XPO6: variants seen among roughly 807,000 people sequenced by gnomAD.
XPO6 encodes exportin-6.
A neutral mutation model predicts 130.0 loss-of-function variants in XPO6; 3 were observed. That is an observed-to-expected ratio of 0.02 (90% confidence interval 0.01 to 0.06). The LOEUF (loss-of-function observed/expected upper bound fraction) is 0.06, where lower values mean the gene tolerates loss of function less well. XPO6 is among the 10% of genes least tolerant of loss of function. XPO6 has a pLI of 1.00. For missense variants in XPO6, 970 were observed against 1,393.0 expected (o/e 0.70, Z 4.83); for synonymous variants, 524 against 548.9 (o/e 0.95, Z 0.63).
chr16:28,149,551 A>G (rs1479712258), intron 8 of XPO6, among the ~76,000 whole-genome samples: 2 of 152,218 alleles, frequency 1.3e-5, no homozygotes, highest in East Asian at 1.9e-4. Context: ...ATGTTTAGAT[A>G]CAAATCCCTA....
chr16:28,207,757 A>G (rs1375467594), intron 1 of XPO6, among the ~76,000 whole-genome samples: 1 of 152,222 alleles, frequency 6.6e-6, no homozygotes, highest in Non-Finnish European at 1.5e-5. Flanking sequence ...TCAACTAGGA[A>G]TCACAGAGCA....
intron 1 of XPO6, among the ~76,000 whole-genome samples, chr16:28,197,146 G>A (rs1204599042): frequency 2.6e-5 from 4 of 152,064 alleles, no homozygotes; most frequent in African/African-American, 9.7e-5. Context: ...CAGCTACTCG[G>A]GAGGCTGAGG....
At chr16:28,112,123 T>C in intron 16 of XPO6, 117 bp from the exon 17 acceptor site, 2 of 1,245,652 alleles carry the variant, frequency 1.6e-6, no homozygotes, top group Admixed American at 5.3e-5. Context: ...GCCCCCAGGC[T>C]CGTTTCTTGC....
At chr16:28,200,195 G>A (rs2043933686) in intron 1 of XPO6, among the ~76,000 whole-genome samples, 1 of 151,620 alleles carries the variant, frequency 6.6e-6, no homozygotes, top group Non-Finnish European at 1.5e-5. Flanking sequence ...GAACTTCTCA[G>A]GTCTGATTAT....
intron 6 of XPO6, among the ~76,000 whole-genome samples, chr16:28,159,280 A>T (rs1389010212): frequency 6.6e-6 from 1 of 152,068 alleles, no homozygotes; most frequent in Non-Finnish European, 1.5e-5. Context: ...AAGAAGAAAA[A>T]TTTCCTGAAA....
At chr16:28,136,071 T>C (rs918719640) in intron 9 of XPO6, among the ~76,000 whole-genome samples, 10 of 152,218 alleles carry the variant, frequency 6.6e-5, no homozygotes, top group Admixed American at 6.5e-4. Flanking sequence ...AAGTAAATGG[T>C]ATCAATATTT....
chr16:28,190,660 G>A (rs1036087287), intron 1 of XPO6, among the ~76,000 whole-genome samples: 6 of 152,162 alleles, frequency 3.9e-5, no homozygotes, highest in Admixed American at 3.3e-4. Context: ...TGACAAAACT[G>A]GAATACAGGT....
rs1484642137 is a variant in XPO6 at position 28,106,444 on chromosome 16, C to T, written c.2551G>A (p.Val851Ile). 4.3e-6 allele frequency: 7 copies of T among 1,614,256 alleles called. No homozygotes were observed. Among genetic ancestry groups the T allele is most frequent in the Non-Finnish European group, 5.9e-6 (7 of 1,180,044 alleles). ...FFLTLFRGLR[V>I]QMGVPFTEQI... ...TCAGTGAAAGGCACACCCATCTGTACTCTAAGGCCTCGAAACAGAGTGAGG... is the reference window on the plus strand; with the variant it reads ...TCAGTGAAAGGCACACCCATCTGTATTCTAAGGCCTCGAAACAGAGTGAGG... The change falls in exon 19 of 24, where the codon GTA becomes ATA. Residue 851 changes from valine to isoleucine, a missense_variant. By Grantham distance (29) the Val-to-Ile change is conservative (BLOSUM62 3). Coordinates refer to ENST00000304658, the MANE Select transcript of XPO6 (RefSeq NM_015171.4). This position sits in a 1 kb window ranked among gnomAD's most constrained non-coding sequence, Gnocchi z 4.2.
At chr16:28,163,397 A>G (rs529774752) in intron 6 of XPO6, among the ~76,000 whole-genome samples, 2 of 152,378 alleles carry the variant, frequency 1.3e-5, no homozygotes, top group South Asian at 4.1e-4. Context: ...ATTTGAAACT[A>G]TATATCATGT....
rs370727941 is a variant in XPO6, at chr16:28,197,964, T to TAA, written c.3+13400_3+13401dup. 9.0e-3 allele frequency among the ~76,000 whole-genome samples: 248 copies of TAA among 27,636 alleles called. 8 individuals are homozygous for TAA. Among genetic ancestry groups the TAA allele is most frequent in the Non-Finnish European group, 0.021 (189 of 9,118 alleles). The allele number at this position is 27,636 out of a possible 152,430, so 18.1% of individuals were successfully genotyped here. A position where few individuals can be genotyped will look rare whatever the true frequency, so the allele number is the denominator to read the frequency against. ...TTGTTCAGACTACATCTAAGTTTAT[T>TAA]AAAAAAAAAAAAAAAAAAAAAAAAA... is the stretch of plus-strand genomic sequence containing the variant. On this transcript the variant is annotated intron_variant, in intron 1 of 23. Coordinates refer to ENST00000304658, the MANE Select transcript of XPO6 (RefSeq NM_015171.4).
intron 1 of XPO6, among the ~76,000 whole-genome samples, chr16:28,209,405 C>A (rs2044089385): frequency 6.6e-6 from 1 of 151,628 alleles, no homozygotes; most frequent in East Asian, 2.0e-4. Flanking sequence ...TTTGGGAGGC[C>A]GAGGCGGGTG....
rs555578209 is a variant in XPO6, at chr16:28,179,950, G to A, written c.94+991C>T. ...TATGAACATGTTCAGAAGGTTCTACGTTTAATTCATGAAATAGAAGGTGAG... is the reference window on the plus strand; with the variant it reads ...TATGAACATGTTCAGAAGGTTCTACATTTAATTCATGAAATAGAAGGTGAG... On this transcript the variant is annotated intron_variant, in intron 2 of 23. Coordinates refer to ENST00000304658, the MANE Select transcript of XPO6 (RefSeq NM_015171.4). Among the ~76,000 whole-genome samples, 60 of 152,276 alleles carry A rather than the reference G, an allele frequency of 3.9e-4. 1 individual carries two copies. The South Asian group carries it at 0.01, about 26-fold the overall frequency.
intron 1 of XPO6, among the ~76,000 whole-genome samples, chr16:28,205,821 T>C (rs1054277739): frequency 6.6e-6 from 1 of 152,030 alleles, no homozygotes; most frequent in Non-Finnish European, 1.5e-5. Flanking sequence ...GTGGATCATG[T>C]GAGGTCAGGA....
At chr16:28,103,406 G>T (rs1253294410) in intron 21 of XPO6, among the ~76,000 whole-genome samples, 1 of 152,218 alleles carries the variant, frequency 6.6e-6, no homozygotes, top group African/African-American at 2.4e-5. Context: ...TACTCAAAGT[G>T]TTTCCAGCTT....
intron 4 of XPO6, among the ~76,000 whole-genome samples, chr16:28,172,442 T>C (rs2043464269): frequency 6.6e-6 from 1 of 152,150 alleles, no homozygotes; most frequent in Admixed American, 6.6e-5. Context: ...GCTTGCCCCT[T>C]AAGTCTCTAG....
intron 1 of XPO6, among the ~76,000 whole-genome samples, chr16:28,195,771 G>C (rs2043850121): frequency 6.6e-6 from 1 of 152,104 alleles, no homozygotes; most frequent in Non-Finnish European, 1.5e-5. Flanking sequence ...AAGAAAGAGA[G>C]AAAATGTCAA....
At chr16:28,171,412 C>CA (rs1292431952) in intron 4 of XPO6, among the ~76,000 whole-genome samples, 1 of 148,360 alleles carries the variant, frequency 6.7e-6, no homozygotes, top group Admixed American at 6.7e-5. Context: ...AAGATCACCC[C>CA]ACTGTATTCC....
Position 28,117,414 on chromosome 16 carries a change from T to G in XPO6, c.1908A>C (p.Ala636=), listed in dbSNP as rs1355041429. Reference sequence around the variant, plus strand: ...GCCGGTGAACTTCACTGCAATACTGTGCTAACCAGTGAGAGTAAGCCTGCA... The same window carrying G: ...GCCGGTGAACTTCACTGCAATACTGGGCTAACCAGTGAGAGTAAGCCTGCA... ...AALQAYSHWL[A]QYCSEVHRQN... is the part of the protein sequence containing the mutation. The change falls in exon 15 of 24, where the codon GCA becomes GCC. Residue 636 remains alanine (A), a synonymous_variant. Transcript: ENST00000304658. The G allele has an allele frequency of 6.2e-7, 1 of 1,614,204 alleles. No individual in the cohort carries two copies. The highest frequency in any genetic ancestry group is 1.7e-5 in the Admixed American group (1 of 60,024).
At chr16:28,195,195 A>G (rs1375308453) in intron 1 of XPO6, among the ~76,000 whole-genome samples, 1 of 151,870 alleles carries the variant, frequency 6.6e-6, no homozygotes, top group African/African-American at 2.4e-5. Context: ...TTCAAACACA[A>G]AGACAACCTC....
Sources: allele counts gnomAD v4.1 joint callset (sites outside exome capture counted in the v4.1 genomes callset), GRCh38; gene constraint gnomAD v4.1.1; non-coding constraint Gnocchi (gnomAD v3.1); transcripts MANE v1.5; gene names NCBI Gene and HGNC (gene_info 2026-07-23, HGNC 2026-07-21).